The following PTPN1 variants were observed in gnomAD, a reference collection of about 807,000 sequenced individuals.
PTPN1 encodes protein tyrosine phosphatase non-receptor type 1, also known as tyrosine-protein phosphatase non-receptor type 1.
Under a neutral mutation model 59.9 loss-of-function variants are expected in PTPN1, and 12 were observed. The ratio of observed to expected loss-of-function variants is 0.20; its 90% CI spans 0.13 to 0.32. PTPN1 has a LOEUF of 0.32. PTPN1 is among the 10% of genes least tolerant of loss of function. PTPN1 has a pLI of 1.00. For missense variants in PTPN1, 356 were observed against 549.2 expected, an observed-to-expected ratio of 0.65 and a Z score of 3.52; for synonymous variants, 178 against 203.6, an observed-to-expected ratio of 0.87 and a Z score of 1.07.
intron 1 of PTPN1, among the ~76,000 whole-genome samples, chr20:50,520,320 G>A (rs1008571689): frequency 2.0e-5 from 3 of 149,826 alleles, no homozygotes; most frequent in East Asian, 2.0e-4. Flanking sequence ...GCATTGAGCC[G>A]AGATCATACC....
At chr20:50,572,577 G>A (rs953674054) in intron 4 of PTPN1, 1 of 152,154 alleles carries the variant, frequency 6.6e-6, no homozygotes, top group Admixed American at 6.5e-5. Context: ...AGACTCGTCT[G>A]CCCTGCTTAT....
rs116664787 is a variant in PTPN1, at chr20:50,533,598, G to A, written c.63+23008G>A. Reference sequence around the variant, plus strand: ...GCCCGCTCTTTTCAGCTGGCTCGTCGAGAGCTGGAGGCCCCTTGCTTGTTC... The same window carrying A: ...GCCCGCTCTTTTCAGCTGGCTCGTCAAGAGCTGGAGGCCCCTTGCTTGTTC... On this transcript the variant is annotated intron_variant, in intron 1 of 9. Transcript: ENST00000371621. Among the ~76,000 whole-genome samples, 1,452 of 152,184 alleles carry A rather than the reference G, an allele frequency of 9.5e-3. 27 individuals are homozygous for A. Among genetic ancestry groups the A allele is most frequent in the African/African-American group, 0.033 (1,349 of 41,500 alleles).
intron 1 of PTPN1, among the ~76,000 whole-genome samples, chr20:50,550,295 C>T (rs190553401): frequency 1.8e-4 from 27 of 152,266 alleles, no homozygotes; most frequent in African/African-American, 5.1e-4. Flanking sequence ...ATGGAGGTTC[C>T]GGGAGATCTT....
At chr20:50,548,529 G>A (rs1375914420) in intron 1 of PTPN1, among the ~76,000 whole-genome samples, 3 of 151,626 alleles carry the variant, frequency 2.0e-5, no homozygotes, top group South Asian at 2.1e-4. Context: ...GGACTCAAGC[G>A]ACCTTCCCAC....
In PTPN1 at chr20:50,568,610, A is replaced by T. The variant is rs1161332041; in HGVS notation, c.354+132A>T. On this transcript the variant is annotated intron_variant, in intron 4 of 9. Transcript: ENST00000371621. The surrounding 1 kb of genome is among the most constrained non-coding windows in gnomAD (Gnocchi z 5.6). ...TTACGTAGTATTTTTATTTAAAAAA[A>T]TTAAAACAGCAGCATATAAATGCAT... The T allele has an allele frequency of 1.4e-6, 1 of 713,980 alleles. No individual in the cohort carries two copies. The highest frequency in any genetic ancestry group is 2.3e-6 in the Non-Finnish European group (1 of 426,402). 44.2% of individuals were successfully genotyped at this position (713,980 alleles called of 1,614,324 possible). A position where few individuals can be genotyped will look rare whatever the true frequency, so the allele number is the denominator to read the frequency against.
intron 1 of PTPN1, among the ~76,000 whole-genome samples, chr20:50,510,935 T>A (rs931049061): frequency 6.6e-6 from 1 of 151,980 alleles, no homozygotes; most frequent in African/African-American, 2.4e-5. Flanking sequence ...CTGGGGTGAT[T>A]TAGCACCCCC....
chr20:50,559,999 C>T (rs2082744947), intron 1 of PTPN1, among the ~76,000 whole-genome samples: 1 of 152,010 alleles, frequency 6.6e-6, no homozygotes, highest in Non-Finnish European at 1.5e-5. Context: ...TGTAAGGAGC[C>T]TGTCAACACT....
In PTPN1 at chr20:50,520,226, C is replaced by T. The variant is rs561033329; in HGVS notation, c.63+9636C>T. 6.9e-4 allele frequency among the ~76,000 whole-genome samples: 105 copies of T among 152,080 alleles called. 1 individual carries two copies. The highest frequency in any genetic ancestry group is 2.0e-3 in the Admixed American group (31 of 15,284). On this transcript the variant is annotated intron_variant, in intron 1 of 9. Transcript: ENST00000371621. ...GTCTCTACTAAAAATACAAAATTAG[C>T]CGAGCGTGGTGGTACATGCCTGTAA...
intron 1 of PTPN1, among the ~76,000 whole-genome samples, chr20:50,511,491 G>T (rs994068506): frequency 6.6e-6 from 1 of 152,176 alleles, no homozygotes; most frequent in Non-Finnish European, 1.5e-5. Flanking sequence ...ATTCTTTCAG[G>T]CAGGGACTCA....
Position 50,561,345 on chromosome 20 carries a change from CTT to C in PTPN1, c.64-16_64-15del, listed in dbSNP as rs1332777889. ...CAGTGTCTGACGGTCAGTTAAATGT[CTT>C]TATTCTTTTTTGTAGGATATCCGAC... On this transcript the variant is annotated splice_polypyrimidine_tract_variant and intron_variant, in intron 1 of 9. Transcript: ENST00000371621. 1.9e-6 allele frequency: 3 copies of C among 1,578,114 alleles called. No individual in the cohort carries two copies. The highest frequency in any genetic ancestry group is 1.7e-6 in the Non-Finnish European group (2 of 1,153,472).
chr20:50,560,597 T>C (rs1158769449), intron 1 of PTPN1, among the ~76,000 whole-genome samples: 1 of 151,466 alleles, frequency 6.6e-6, no homozygotes, highest in Non-Finnish European at 1.5e-5. Flanking sequence ...ATTCCCACCG[T>C]AGGGGATGGG....
At chr20:50,552,363 A>T (rs937625475) in intron 1 of PTPN1, among the ~76,000 whole-genome samples, 1 of 152,248 alleles carries the variant, frequency 6.6e-6, no homozygotes, top group African/African-American at 2.4e-5. Context: ...CTAATAAATT[A>T]TCCAGAAACT....
chr20:50,515,971 T>TA (rs1165245361), intron 1 of PTPN1, among the ~76,000 whole-genome samples: 1 of 152,320 alleles, frequency 6.6e-6, no homozygotes, highest in East Asian at 1.9e-4. Context: ...TAGAAGCTGA[T>TA]ACCACTGATT....
chr20:50,522,153 G>A (rs890692722), intron 1 of PTPN1, among the ~76,000 whole-genome samples: 1 of 152,022 alleles, frequency 6.6e-6, no homozygotes. Context: ...TTCCCTTCCC[G>A]CCCTTCCTCT....
chr20:50,546,457 G>A (rs940895188), intron 1 of PTPN1, among the ~76,000 whole-genome samples: 9 of 152,112 alleles, frequency 5.9e-5, no homozygotes, highest in African/African-American at 2.2e-4. Context: ...GGCATTGGTC[G>A]TATTTTATTC....
intron 1 of PTPN1, among the ~76,000 whole-genome samples, chr20:50,539,646 T>C (rs6020587): frequency 7.0e-3 from 342 of 49,102 alleles, no homozygotes; most frequent in Non-Finnish European, 8.6e-3. Flanking sequence ...CTTTCTCTCT[T>C]TTTTTTTTTT....
intron 1 of PTPN1, among the ~76,000 whole-genome samples, chr20:50,517,195 T>C (rs2082532371): frequency 6.6e-6 from 1 of 152,230 alleles, no homozygotes; most frequent in African/African-American, 2.4e-5. Flanking sequence ...CAAGTCACAC[T>C]ACTACAAATA....
At chr20:50,529,679 C>G (rs552569608) in intron 1 of PTPN1, among the ~76,000 whole-genome samples, 116 of 152,212 alleles carry the variant, frequency 7.6e-4, no homozygotes, top group African/African-American at 2.7e-3. Context: ...ACTTTCCCCC[C>G]ATCTCCTGGA....
chr20:50,520,902 G>A (rs2082548407), intron 1 of PTPN1, among the ~76,000 whole-genome samples: 2 of 152,118 alleles, frequency 1.3e-5, no homozygotes, highest in South Asian at 2.1e-4. Context: ...CAGCCATATA[G>A]CATTACCTAG....
Sources: gnomAD v4.1 joint callset for allele counts (sites outside exome capture counted in the v4.1 genomes callset) on GRCh38, gnomAD v4.1.1 for gene constraint, Gnocchi (gnomAD v3.1) non-coding constraint, MANE v1.5 for transcripts, NCBI Gene and HGNC (gene_info 2026-07-23, HGNC 2026-07-21) for gene names.